PIP5K1B: variants seen among roughly 807,000 people sequenced by gnomAD.
PIP5K1B encodes phosphatidylinositol-4-phosphate 5-kinase type 1 beta, also known as phosphatidylinositol 4-phosphate 5-kinase type-1 beta.
In PIP5K1B, 42 loss-of-function variants were observed where a neutral mutation model predicts 67.0. The ratio of observed to expected loss-of-function variants is 0.63; its 90% CI spans 0.49 to 0.81. PIP5K1B has a LOEUF of 0.81. Among genes scored for constraint, PIP5K1B ranks in the 30% least tolerant of loss-of-function variants. The pLI, the probability that PIP5K1B is intolerant of heterozygous loss-of-function variation, is 0.00. For missense variants in PIP5K1B, 459 were observed against 646.3 expected (o/e 0.71, Z 3.14); for synonymous variants, 214 against 231.4 (o/e 0.92, Z 0.68).
At chr9:68,989,302 G>A (rs558210095) in intron 14 of PIP5K1B, among the ~76,000 whole-genome samples, 32 of 152,088 alleles carry the variant, frequency 2.1e-4, no homozygotes, top group Non-Finnish European at 4.6e-4. Context: ...TGTTCAGCTT[G>A]GAGGCTTAGA....
chr9:68,857,122 C>G (rs1427064004), intron 4 of PIP5K1B, among the ~76,000 whole-genome samples: 1 of 151,742 alleles, frequency 6.6e-6, no homozygotes, highest in Non-Finnish European at 1.5e-5. Flanking sequence ...CGGGTGGACT[C>G]TAGGAACTGA....
chr9:68,872,343 A>G (rs1000771861), intron 5 of PIP5K1B, among the ~76,000 whole-genome samples: 1 of 152,196 alleles, frequency 6.6e-6, no homozygotes, highest in Non-Finnish European at 1.5e-5. Flanking sequence ...AGCAGGGGCC[A>G]GCGATCTCAT....
intron 14 of PIP5K1B, among the ~76,000 whole-genome samples, chr9:68,990,913 C>T (rs1830333000): frequency 6.6e-6 from 1 of 152,148 alleles, no homozygotes; most frequent in Non-Finnish European, 1.5e-5. Flanking sequence ...CCGCCGGCCT[C>T]AGCCTCCCAA....
At chr9:68,772,356 A>C (rs1376794176) in intron 2 of PIP5K1B, among the ~76,000 whole-genome samples, 1 of 152,204 alleles carries the variant, frequency 6.6e-6, no homozygotes, top group African/African-American at 2.4e-5. Flanking sequence ...ACAGCCAAAC[A>C]TGTGTCCTCC....
intron 14 of PIP5K1B, among the ~76,000 whole-genome samples, chr9:68,955,129 C>A (rs1225380089): frequency 6.6e-6 from 1 of 152,184 alleles, no homozygotes; most frequent in Admixed American, 6.5e-5. Flanking sequence ...AGGAAGAGTG[C>A]TACAGGGTGA....
At chr9:68,925,105 G>T (rs1466885839) in intron 12 of PIP5K1B, among the ~76,000 whole-genome samples, 10 of 150,176 alleles carry the variant, frequency 6.7e-5, no homozygotes, top group Non-Finnish European at 1.5e-4. Flanking sequence ...CATTAAAATT[G>T]TATGAGTGTG....
At chr9:68,738,735 T>C (rs1322541884) in intron 1 of PIP5K1B, among the ~76,000 whole-genome samples, 1 of 152,196 alleles carries the variant, frequency 6.6e-6, no homozygotes, top group African/African-American at 2.4e-5. Flanking sequence ...AAACAGACCC[T>C]TTCAGGCCCT....
intron 8 of PIP5K1B, among the ~76,000 whole-genome samples, chr9:68,916,924 A>C (rs992085337): frequency 9.2e-5 from 14 of 152,262 alleles, no homozygotes; most frequent in African/African-American, 3.4e-4. Flanking sequence ...ACTTCCAAGA[A>C]GTTTATGAGA....
chr9:68,841,106 G>A (rs921529345), intron 4 of PIP5K1B, among the ~76,000 whole-genome samples: 9 of 151,952 alleles, frequency 5.9e-5, no homozygotes, highest in Non-Finnish European at 1.3e-4. Flanking sequence ...CCATAAAATC[G>A]ATGTGCTCAA....
intron 14 of PIP5K1B, among the ~76,000 whole-genome samples, chr9:68,971,244 G>GAACCC: frequency 6.6e-6 from 1 of 152,250 alleles, no homozygotes; most frequent in South Asian, 2.1e-4. Flanking sequence ...AACATGCAGT[G>GAACCC]TTTGGTTTTC....
intron 14 of PIP5K1B, among the ~76,000 whole-genome samples, chr9:68,971,149 C>G (rs1829345267): frequency 6.6e-6 from 1 of 152,104 alleles, no homozygotes; most frequent in Non-Finnish European, 1.5e-5. Context: ...TAGAGTGCCC[C>G]CCACTCCCCG....
At chr9:68,988,247 G>A (rs974376483) in intron 14 of PIP5K1B, among the ~76,000 whole-genome samples, 2 of 151,528 alleles carry the variant, frequency 1.3e-5, no homozygotes, top group African/African-American at 2.4e-5. Context: ...TGAGTTTAAA[G>A]TTATTTCAAA....
intron 2 of PIP5K1B, among the ~76,000 whole-genome samples, chr9:68,759,472 G>A (rs1034947036): frequency 4.1e-4 from 62 of 151,682 alleles, no homozygotes; most frequent in African/African-American, 1.3e-3. Context: ...ATAATAAAGT[G>A]GAATACTAAA....
chr9:68,985,154 T>C lies in PIP5K1B; in HGVS notation c.1503-5986T>C, dbSNP rs545043043. Among the ~76,000 whole-genome samples, 3 of 152,332 alleles carry C rather than the reference T, an allele frequency of 2.0e-5. No homozygotes were observed. In the South Asian group the frequency reaches 6.2e-4, roughly 32 times the overall value. On this transcript the variant is annotated intron_variant, in intron 14 of 15. Transcript: ENST00000265382. ...CTCACTGCTACTCAGAAATGTAGGC[T>C]TACAGTTGGCCACTCTTCTCATGTC...
At chr9:68,896,011 A>G (rs1361939153) in intron 8 of PIP5K1B, among the ~76,000 whole-genome samples, 1 of 152,042 alleles carries the variant, frequency 6.6e-6, no homozygotes, top group African/African-American at 2.4e-5. Context: ...ATTTTTTTTT[A>G]ATTATCTTTT....
At position 68,809,327 on chromosome 9, in the gene PIP5K1B, A is replaced by C. The variant is rs150379913; in HGVS notation, c.-85-9134A>C. ...GTTTTTGTTGCCAAACCCACATTAA[A>C]AAAAATACCACGCCTCTTTGTAAGG... On this transcript the variant is annotated intron_variant, in intron 2 of 15. Transcript: ENST00000265382. Among the ~76,000 whole-genome samples, 819 of 151,476 alleles carry C rather than the reference A, an allele frequency of 5.4e-3. 5 individuals carry two copies. Among genetic ancestry groups the C allele is most frequent in the African/African-American group, 0.019 (768 of 41,286 alleles).
At chr9:68,964,239 C>T (rs1050907717) in intron 14 of PIP5K1B, 7 of 152,184 alleles carry the variant, frequency 4.6e-5, no homozygotes, top group African/African-American at 1.4e-4. Context: ...CGTGGTTCCA[C>T]CCTCACCCAT....
At chr9:68,877,525 G>A (rs551273104) in intron 6 of PIP5K1B, among the ~76,000 whole-genome samples, 2 of 152,310 alleles carry the variant, frequency 1.3e-5, no homozygotes, top group South Asian at 4.1e-4. Flanking sequence ...AAGACTGTAG[G>A]AAGAATGCCA....
At chr9:68,819,043 TATAAC>T (rs1260913249) in intron 3 of PIP5K1B, among the ~76,000 whole-genome samples, 2 of 152,218 alleles carry the variant, frequency 1.3e-5, no homozygotes, top group Admixed American at 6.5e-5. Context: ...GTGAAATTCA[TATAAC>T]ATAAAATTAG....
Sources: gnomAD v4.1 joint callset for allele counts (sites outside exome capture counted in the v4.1 genomes callset) on GRCh38, gnomAD v4.1.1 for gene constraint, MANE v1.5 for transcripts, NCBI Gene and HGNC (gene_info 2026-07-23, HGNC 2026-07-21) for gene names.